The following AXDND1 variants were observed in gnomAD, a reference collection of about 807,000 sequenced individuals.
AXDND1 encodes the protein axonemal dynein light chain domain containing 1.
Under a neutral mutation model 137.5 loss-of-function variants are expected in AXDND1, and 110 were observed. The ratio of observed to expected loss-of-function variants is 0.80; its 90% CI spans 0.69 to 0.94. The LOEUF (loss-of-function observed/expected upper bound fraction) is 0.94, where lower values mean the gene tolerates loss of function less well. Ranked by LOEUF, AXDND1 falls within the 40% of genes least tolerant of loss-of-function variation. The pLI is 0.00. For synonymous variants in AXDND1, 414 were observed against 399.7 expected, an observed-to-expected ratio of 1.04 and a Z score of -0.43; for missense variants, 1,191 against 1,169.8, an observed-to-expected ratio of 1.02 and a Z score of -0.26.
chr1:179,369,904 A>T (rs944767442), intron 3 of AXDND1, 71 bp from the exon 4 acceptor site: 13 of 1,223,342 alleles, frequency 1.1e-5, no homozygotes, highest in African/African-American at 1.5e-5. Context: ...TACTTACTCA[A>T]AACTATTAAT....
chr1:179,455,568 TG>T (rs1413281511), intron 16 of AXDND1: 4 of 125,946 alleles, frequency 3.2e-5, no homozygotes, highest in African/African-American at 1.2e-4. Context: ...TACTCCAGCC[TG>T]GGCGACAGAG....
chr1:179,408,591 A>C (rs1361968885), intron 11 of AXDND1, among the ~76,000 whole-genome samples: 1 of 152,048 alleles, frequency 6.6e-6, no homozygotes, highest in African/African-American at 2.4e-5. Flanking sequence ...TGTTGGCCAG[A>C]CTGGTCTTGA....
At chr1:179,405,560 C>G (rs1222988338) in intron 11 of AXDND1, among the ~76,000 whole-genome samples, 1 of 152,122 alleles carries the variant, frequency 6.6e-6, no homozygotes. Context: ...CTGATTCAAT[C>G]TTGTTACTCA....
At chr1:179,410,902 C>T (rs1376483174) in intron 11 of AXDND1, among the ~76,000 whole-genome samples, 1 of 152,042 alleles carries the variant, frequency 6.6e-6, no homozygotes, top group African/African-American at 2.4e-5. Context: ...GAGCAAGGAA[C>T]AGTATATGAG....
At chr1:179,456,894 G>A (rs1269174002) in intron 16 of AXDND1, 3 of 985,648 alleles carry the variant, frequency 3.0e-6, no homozygotes, top group East Asian at 4.8e-5. Context: ...GGTTACAAAG[G>A]CAAAGCCTCT....
intron 18 of AXDND1, among the ~76,000 whole-genome samples, chr1:179,488,092 A>G (rs2125561806): frequency 6.8e-6 from 1 of 147,492 alleles, no homozygotes; most frequent in South Asian, 2.1e-4. Flanking sequence ...ATCTATCATA[A>G]TGTCAATCAG....
chr1:179,532,075 G>GCCCCACAACCCCACAAC (rs906429781), intron 23 of AXDND1, among the ~76,000 whole-genome samples: 3 of 152,202 alleles, frequency 2.0e-5, no homozygotes, highest in African/African-American at 7.2e-5. Context: ...GAGGATGCTA[G>GCCCCACAACCCCACAAC]CAGCCCCACA....
intron 21 of AXDND1, among the ~76,000 whole-genome samples, chr1:179,522,651 A>T (rs548390549): frequency 3.3e-5 from 5 of 151,964 alleles, no homozygotes; most frequent in Admixed American, 3.3e-4. Context: ...AAGATATATT[A>T]TCTCATTTAT....
At chr1:179,461,483 A>G (rs1189942309) in intron 16 of AXDND1, among the ~76,000 whole-genome samples, 1 of 152,028 alleles carries the variant, frequency 6.6e-6, no homozygotes, top group African/African-American at 2.4e-5. Flanking sequence ...GTCAGGTAGC[A>G]TGATGCCTCC....
chr1:179,446,092 G>A (rs12722736), intron 16 of AXDND1, among the ~76,000 whole-genome samples: 1 of 151,904 alleles, frequency 6.6e-6, no homozygotes, highest in Non-Finnish European at 1.5e-5. Context: ...GATGACTACT[G>A]ATGTCAAGCA....
At chr1:179,525,909 A>T (rs1468105304) in intron 22 of AXDND1, among the ~76,000 whole-genome samples, 1 of 152,074 alleles carries the variant, frequency 6.6e-6, no homozygotes, top group East Asian at 1.9e-4. Context: ...TCTTTTCCTC[A>T]TATAGATTTA....
At chr1:179,405,436 C>A (rs1436207015) in intron 11 of AXDND1, among the ~76,000 whole-genome samples, 1 of 152,154 alleles carries the variant, frequency 6.6e-6, no homozygotes, top group Non-Finnish European at 1.5e-5. Context: ...GGTATCTACC[C>A]AGTAATGGGA....
At chr1:179,468,403 C>A in intron 16 of AXDND1, 40 bp from the exon 17 acceptor site, 1 of 1,410,054 alleles carries the variant, frequency 7.1e-7, no homozygotes, top group Non-Finnish European at 9.8e-7. Flanking sequence ...AGTAGTCTTA[C>A]AAATATTTCT....
chr1:179,542,633 C>T (rs1425621339), intron 25 of AXDND1, among the ~76,000 whole-genome samples: 1 of 152,158 alleles, frequency 6.6e-6, no homozygotes, highest in African/African-American at 2.4e-5. Context: ...GATAAATAAG[C>T]AAACCACCCA....
intron 16 of AXDND1, 144 bp from the exon 17 acceptor site, chr1:179,468,298 TG>T (rs751368553): frequency 1.1e-5 from 6 of 570,904 alleles, no homozygotes; most frequent in Non-Finnish European, 1.8e-5. Context: ...AACTGCTTTT[TG>T]TAAGGTTCTC....
At chr1:179,522,316 G>T (rs1450257046) in intron 21 of AXDND1, among the ~76,000 whole-genome samples, 1 of 151,952 alleles carries the variant, frequency 6.6e-6, no homozygotes, top group Admixed American at 6.6e-5. Context: ...AGTCCTATTT[G>T]ATTCTTTTTC....
intron 18 of AXDND1, among the ~76,000 whole-genome samples, chr1:179,484,866 G>T (rs549267491): frequency 7.2e-5 from 11 of 152,310 alleles, no homozygotes; most frequent in African/African-American, 2.6e-4. Context: ...AATCTGTCCT[G>T]CACTGCCATT....
At chr1:179,539,765 A>G (rs1447980607) in intron 25 of AXDND1, among the ~76,000 whole-genome samples, 1 of 152,072 alleles carries the variant, frequency 6.6e-6, no homozygotes, top group Non-Finnish European at 1.5e-5. Context: ...GTTCTCCTGG[A>G]TAATATCCTG....
At chr1:179,413,130 CAT>C (rs759603038) in intron 12 of AXDND1, among the ~76,000 whole-genome samples, 67 of 152,280 alleles carry the variant, frequency 4.4e-4, no homozygotes, top group South Asian at 2.7e-3. Flanking sequence ...CAAATCCACA[CAT>C]GTTTAATATA....
Sources: gnomAD v4.1 joint callset for allele counts (sites outside exome capture counted in the v4.1 genomes callset) on GRCh38, gnomAD v4.1.1 for gene constraint, MANE v1.5 for transcripts, NCBI Gene and HGNC (gene_info 2026-07-23, HGNC 2026-07-21) for gene names.